RALYL: variants seen among roughly 807,000 people sequenced by gnomAD.
The protein encoded by RALYL is RALY RNA binding protein like.
In RALYL, 29 loss-of-function variants were observed where a neutral mutation model predicts 35.1. That is an observed-to-expected ratio of 0.83 (90% CI 0.61 to 1.13). The LOEUF is 1.13. Among genes scored for constraint, RALYL ranks in the 50% most tolerant of loss-of-function variants. RALYL has a pLI of 0.00. For missense variants in RALYL, 359 were observed against 360.4 expected (o/e 1.00, Z 0.03); for synonymous variants, 120 against 127.6 (o/e 0.94, Z 0.40).
At chr8:84,434,196 C>T (rs1255954908) in intron 1 of RALYL, among the ~76,000 whole-genome samples, 1 of 151,884 alleles carries the variant, frequency 6.6e-6, no homozygotes, top group Non-Finnish European at 1.5e-5. Flanking sequence ...GTGCCTGTGT[C>T]CTCATCTCTA....
At chr8:84,523,345 T>TG (rs1461385195) in intron 1 of RALYL, among the ~76,000 whole-genome samples, 3 of 146,156 alleles carry the variant, frequency 2.1e-5, no homozygotes, top group African/African-American at 2.5e-5. Context: ...GAGAACAGCA[T>TG]GGGGAAAAAA....
intron 2 of RALYL, among the ~76,000 whole-genome samples, chr8:84,736,273 G>T (rs1563479864): frequency 1.3e-5 from 2 of 152,046 alleles, no homozygotes; most frequent in East Asian, 1.9e-4. Context: ...CCAGCCTTGG[G>T]CTAGGAATTT....
intron 2 of RALYL, among the ~76,000 whole-genome samples, chr8:84,647,952 T>C (rs562088479): frequency 6.6e-6 from 1 of 152,232 alleles, no homozygotes; most frequent in South Asian, 2.1e-4. Flanking sequence ...GGGGAAGGAT[T>C]ACATTAAATG....
chr8:84,363,911 G>A (rs956889714), intron 1 of RALYL, among the ~76,000 whole-genome samples: 5 of 152,142 alleles, frequency 3.3e-5, no homozygotes, highest in Non-Finnish European at 7.3e-5. Context: ...GTATCTATGT[G>A]CAATAAAGCT....
chr8:84,462,236 A>G (rs2133407020), intron 1 of RALYL, among the ~76,000 whole-genome samples: 1 of 150,946 alleles, frequency 6.6e-6, no homozygotes, highest in Non-Finnish European at 1.5e-5. Flanking sequence ...TCATCTGTTT[A>G]TCTTCTTTGA....
At chr8:84,200,455 G>T (rs1394587396) in intron 1 of RALYL, among the ~76,000 whole-genome samples, 5 of 152,034 alleles carry the variant, frequency 3.3e-5, no homozygotes, top group African/African-American at 4.8e-5. Context: ...ATTTTATATA[G>T]ATTTTCATTA....
At position 84,287,483 on chromosome 8, in the gene RALYL, G is replaced by A. The variant is rs554872933; in HGVS notation, c.-24+103059G>A. On this transcript the variant is annotated intron_variant, in intron 1 of 8. Coordinates refer to ENST00000521268, the MANE Select transcript of RALYL (RefSeq NM_173848.7). Reference sequence around the variant, plus strand: ...CTCAAGGAAGGAGGGGAATTGAGTGGCAGTTGGTAGAAGAATAAAATGAAG... The same window carrying A: ...CTCAAGGAAGGAGGGGAATTGAGTGACAGTTGGTAGAAGAATAAAATGAAG... Among the ~76,000 whole-genome samples the A allele has an allele frequency of 3.9e-3, 595 of 152,246 alleles. 4 individuals are homozygous for A. The highest frequency in any genetic ancestry group is 6.8e-3 in the Middle Eastern group (2 of 294).
chr8:84,877,862 C>T (rs567399761), intron 7 of RALYL, among the ~76,000 whole-genome samples: 1 of 152,262 alleles, frequency 6.6e-6, no homozygotes, highest in African/African-American at 2.4e-5. Flanking sequence ...GTTCTGAATA[C>T]CTTACTGCTC....
intron 1 of RALYL, among the ~76,000 whole-genome samples, chr8:84,215,661 G>A (rs902080790): frequency 2.6e-5 from 4 of 151,598 alleles, no homozygotes; most frequent in African/African-American, 9.7e-5. Flanking sequence ...CATATTAACA[G>A]TAGCTTGTTA....
At chr8:84,480,167 A>G (rs1050249785) in intron 1 of RALYL, among the ~76,000 whole-genome samples, 2 of 152,296 alleles carry the variant, frequency 1.3e-5, no homozygotes, top group African/African-American at 2.4e-5. Flanking sequence ...TAAGCTGAGT[A>G]TAAATAATAT....
chr8:84,231,144 T>C (rs191746068), intron 1 of RALYL, among the ~76,000 whole-genome samples: 6 of 152,312 alleles, frequency 3.9e-5, no homozygotes, highest in African/African-American at 1.4e-4. Context: ...AAAGAAGTCG[T>C]ATCCTTTCTA....
chr8:84,415,483 C>A (rs1019488964), intron 1 of RALYL, among the ~76,000 whole-genome samples: 1 of 152,048 alleles, frequency 6.6e-6, no homozygotes, highest in African/African-American at 2.4e-5. Context: ...TATGATCGAC[C>A]CGCCTCGGCC....
Position 84,498,722 on chromosome 8 carries a change from A to G in RALYL, c.-23-30577A>G, listed in dbSNP as rs116621215. On this transcript the variant is annotated intron_variant, in intron 1 of 8. Coordinates refer to ENST00000521268, the MANE Select transcript of RALYL (RefSeq NM_173848.7). ...TTCCTAATACACTCTTTTAAGAGAA[A>G]TAAAGTAATGATAACACACTTTTCA... Among the ~76,000 whole-genome samples, 159 of 152,328 alleles carry G rather than the reference A, an allele frequency of 1.0e-3. 1 individual carries two copies. The highest frequency in any genetic ancestry group is 2.9e-3 in the African/African-American group (119 of 41,600).
chr8:84,214,961 A>G (rs1489698704), intron 1 of RALYL, among the ~76,000 whole-genome samples: 2 of 151,790 alleles, frequency 1.3e-5, no homozygotes, highest in Non-Finnish European at 2.9e-5. Context: ...GCTGGAGTTC[A>G]GTGGCATGAT....
chr8:84,290,625 G>C (rs1041515415), intron 1 of RALYL, among the ~76,000 whole-genome samples: 1 of 152,146 alleles, frequency 6.6e-6, no homozygotes, highest in Non-Finnish European at 1.5e-5. Flanking sequence ...GTGGTGGAAT[G>C]TCATCAGTTA....
intron 2 of RALYL, among the ~76,000 whole-genome samples, chr8:84,628,752 C>T (rs1392977784): frequency 6.6e-6 from 1 of 151,982 alleles, no homozygotes; most frequent in African/African-American, 2.4e-5. Flanking sequence ...ATAACAGTAG[C>T]AGTCTCCATG....
Position 84,367,343 on chromosome 8 carries a change from T to G in RALYL, c.-23-161956T>G, listed in dbSNP as rs1176607135. Reference sequence around the variant, plus strand: ...ATTTTTTTTTTTTTTTTTTTTTTTTTTTTTTTTTTTTTTTTTTTTTTTTTT... The same window carrying G: ...ATTTTTTTTTTTTTTTTTTTTTTTTGTTTTTTTTTTTTTTTTTTTTTTTTT... On this transcript the variant is annotated intron_variant, in intron 1 of 8. Coordinates refer to ENST00000521268, the MANE Select transcript of RALYL (RefSeq NM_173848.7). Among the ~76,000 whole-genome samples the G allele has an allele frequency of 2.4e-3, 241 of 99,634 alleles. 3 individuals are homozygous for G. Among genetic ancestry groups the G allele is most frequent in the African/African-American group, 3.0e-3 (77 of 25,938 alleles). The allele number at this position is 99,634 out of a possible 152,430, so 65.4% of individuals were successfully genotyped here. A position where few individuals can be genotyped will look rare whatever the true frequency, so the allele number is the denominator to read the frequency against.
chr8:84,745,064 AACAC>A (rs140133347), intron 2 of RALYL, among the ~76,000 whole-genome samples: 34,446 of 149,192 alleles, frequency 0.23, 4,116 homozygotes, highest in Non-Finnish European at 0.25. Context: ...TCCCAAAACA[AACAC>A]ACACACACAC....
At chr8:84,356,406 A>G (rs1191104671) in intron 1 of RALYL, among the ~76,000 whole-genome samples, 1 of 150,450 alleles carries the variant, frequency 6.6e-6, no homozygotes, top group Admixed American at 6.6e-5. Context: ...TTCCAAGACG[A>G]TACACTGGTT....
Sources: gnomAD v4.1 joint callset for allele counts (sites outside exome capture counted in the v4.1 genomes callset) on GRCh38, gnomAD v4.1.1 for gene constraint, MANE v1.5 for transcripts, NCBI Gene and HGNC (gene_info 2026-07-23, HGNC 2026-07-21) for gene names.